Variants in DOCK8 observed in about 807,000 individuals in gnomAD.
DOCK8 encodes the protein dedicator of cytokinesis 8.
DOCK8 carries 141 observed loss-of-function variants against 245.6 expected under a neutral mutation model. The ratio of observed to expected loss-of-function variants is 0.57; its 90% CI spans 0.50 to 0.66. The LOEUF is 0.66. Among genes scored for constraint, DOCK8 ranks in the 30% least tolerant of loss-of-function variants. The pLI is 0.00. For missense variants in DOCK8, 2,965 were observed against 2,603.4 expected, an observed-to-expected ratio of 1.14 and a Z score of -3.02; for synonymous variants, 1,168 against 970.2, an observed-to-expected ratio of 1.20 and a Z score of -3.79.
intron 24 of DOCK8, 135 bp from the exon 25 acceptor site, chr9:396,650 G>A (rs2054470302): frequency 1.2e-5 from 15 of 1,235,574 alleles, no homozygotes; most frequent in East Asian, 2.4e-5. Flanking sequence ...GAGCTTGCTC[G>A]GGCACCACCA....
At chr9:318,268 A>G (rs1393704162) in intron 7 of DOCK8, among the ~76,000 whole-genome samples, 1 of 152,176 alleles carries the variant, frequency 6.6e-6, no homozygotes, top group Non-Finnish European at 1.5e-5. Context: ...GAAGCGTAAC[A>G]TTTATTTATA....
At chr9:344,529 T>C (rs546663748) in intron 14 of DOCK8, among the ~76,000 whole-genome samples, 1 of 150,580 alleles carries the variant, frequency 6.6e-6, no homozygotes, top group East Asian at 1.9e-4. Flanking sequence ...CCAGGTAAAA[T>C]TGGCAAGCTG....
chr9:463,531 T>C lies in DOCK8; in HGVS notation c.6083T>C (p.Val2028Ala), dbSNP rs2057872273. The C allele has an allele frequency of 3.7e-6, 6 of 1,614,194 alleles. No homozygotes were observed. Among genetic ancestry groups the C allele is most frequent in the Non-Finnish European group, 5.1e-6 (6 of 1,180,040 alleles). The stretch of plus-strand genomic sequence containing the variant: ...TTTCATCTCAGATGTGGTGAAGCTG[T>C]AGAGAAAAACAAGCGTCTCATCACG... ...KEFIMRCGEA[V>A]EKNKRLITAD... Residue 2028 changes from valine to alanine, a missense_variant, in exon 47 of 48, where the codon GTA (valine) becomes GCA (alanine). Around this residue, in one of 3 missense-constraint regions of DOCK8, gnomAD observed 134 missense variants for 128.1 expected, o/e 1.05. Transcript: ENST00000432829.
At position 299,511 on chromosome 9, in the gene DOCK8, C is replaced by T. The variant is rs1322800038; in HGVS notation, c.405-5070C>T. Among the ~76,000 whole-genome samples, 6 of 152,260 alleles carry T rather than the reference C, an allele frequency of 3.9e-5. No homozygotes were observed. In the East Asian group the frequency reaches 9.7e-4, roughly 25 times the overall value. ...CTCCTGGGCTCAAGTGGTGCTCCCG[C>T]CTTGGCCTCCCAGAGTGCTGGGATT... On this transcript the variant is annotated intron_variant, in intron 4 of 47. Coordinates refer to ENST00000432829, the MANE Select transcript of DOCK8 (RefSeq NM_203447.4).
rs748474433 is a variant in DOCK8 at position 426,922 on chromosome 9, G to A, written c.4279G>A (p.Gly1427Ser). The change falls in exon 34 of 48, where the codon GGC (glycine) becomes AGC (serine). Residue 1427 changes from glycine to serine, a missense_variant. Around this residue, in one of 3 missense-constraint regions of DOCK8, gnomAD observed 2,825 missense variants for 2,453.5 expected, o/e 1.15. Transcript: ENST00000432829. ...AELDQEALIS[G>S]NLATEAHLII... Reference sequence around the variant, plus strand: ...GTTAGATCAAGAAGCCTTGATCAGTGGCAATCTGGCTACAGAAGCACATTT... The same window carrying A: ...GTTAGATCAAGAAGCCTTGATCAGTAGCAATCTGGCTACAGAAGCACATTT... 3 of 1,614,006 alleles carry A rather than the reference G, an allele frequency of 1.9e-6. No individual in the cohort carries two copies. In the South Asian group the frequency reaches 3.3e-5, roughly 18 times the overall value.
intron 1 of DOCK8, among the ~76,000 whole-genome samples, chr9:254,664 T>C (rs1008965300): frequency 1.3e-5 from 2 of 152,182 alleles, no homozygotes; most frequent in East Asian, 1.9e-4. Context: ...AAGTGGAAAA[T>C]TGCAGATAGA....
chr9:301,957 A>C (rs894247875), intron 4 of DOCK8, among the ~76,000 whole-genome samples: 2 of 152,108 alleles, frequency 1.3e-5, no homozygotes. Flanking sequence ...TTCCTATCTT[A>C]ATTAGCAACA....
At chr9:232,141 C>A (rs1407678256) in intron 1 of DOCK8, among the ~76,000 whole-genome samples, 3 of 152,150 alleles carry the variant, frequency 2.0e-5, no homozygotes, top group Non-Finnish European at 4.4e-5. Context: ...TTTTCTGCAT[C>A]TATTGAGATA....
intron 28 of DOCK8, among the ~76,000 whole-genome samples, chr9:411,911 A>C (rs1043131851): frequency 6.6e-6 from 1 of 152,192 alleles, no homozygotes; most frequent in Non-Finnish European, 1.5e-5. Context: ...ACACTCAACA[A>C]ACCTTTTAGG....
At chr9:368,660 CAT>C (rs35818030) in intron 15 of DOCK8, 7,135 of 153,158 alleles carry the variant, frequency 0.047, 525 homozygotes, top group African/African-American at 0.16. Flanking sequence ...TCAAATTATT[CAT>C]ATATATATAT....
At chr9:340,038 T>A in intron 13 of DOCK8, 121 bp from the exon 14 acceptor site, 1 of 1,169,748 alleles carries the variant, frequency 8.5e-7, no homozygotes, top group Non-Finnish European at 1.2e-6. Context: ...GCTCCAAAAC[T>A]TTTTTACAGT....
intron 39 of DOCK8, among the ~76,000 whole-genome samples, chr9:436,128 T>C (rs977802791): frequency 2.6e-5 from 4 of 152,240 alleles, no homozygotes; most frequent in African/African-American, 9.6e-5. Flanking sequence ...AGCCAAGAGC[T>C]TCTGGTTTTC....
At position 379,908 on chromosome 9, in the gene DOCK8, G is replaced by C; in HGVS notation, c.2578G>C (p.Glu860Gln). The change falls in exon 21 of 48, where the codon GAG becomes CAG. Residue 860 changes from glutamate (E) to glutamine (Q), a missense_variant. Glu to Gln is a conservative substitution (Grantham distance 29). Around this residue, in one of 3 missense-constraint regions of DOCK8, gnomAD observed 2,825 missense variants for 2,453.5 expected, o/e 1.15. Transcript: ENST00000432829. ...SYVHYVFRLPEVQRDVPKSGA... is the reference protein window; with the variant it reads ...SYVHYVFRLPQVQRDVPKSGA... ...CGTGCACTACGTCTTCCGCCTGCCA[G>C]AGGTGCAAAGGGATGTGCCCAAGTC... The C allele has an allele frequency of 6.2e-7, 1 of 1,614,150 alleles. No homozygotes were observed. Among genetic ancestry groups the C allele is most frequent in the Non-Finnish European group, 8.5e-7 (1 of 1,180,028 alleles).
At chr9:397,999 T>A (rs2054543273) in intron 25 of DOCK8, among the ~76,000 whole-genome samples, 1 of 152,214 alleles carries the variant, frequency 6.6e-6, no homozygotes, top group Admixed American at 6.5e-5. Flanking sequence ...GCTACAAAAA[T>A]CTTAGGAAGC....
At chr9:427,725 T>C (rs1306597614) in intron 34 of DOCK8, among the ~76,000 whole-genome samples, 1 of 152,214 alleles carries the variant, frequency 6.6e-6, no homozygotes, top group Non-Finnish European at 1.5e-5. Context: ...TTTTGAATTG[T>C]CTAAAATCAA....
chr9:234,124 T>C (rs1373584079), intron 1 of DOCK8, among the ~76,000 whole-genome samples: 1 of 152,222 alleles, frequency 6.6e-6, no homozygotes, highest in African/African-American at 2.4e-5. Context: ...TTTGCTTGTC[T>C]GTAAAGGACT....
chr9:273,425 T>C, intron 2 of DOCK8, among the ~76,000 whole-genome samples: 1 of 152,362 alleles, frequency 6.6e-6, no homozygotes, highest in South Asian at 2.1e-4. Flanking sequence ...AATATATATT[T>C]AATTGAAAAA....
chr9:342,468 TCG>T (rs1325349537), intron 14 of DOCK8, among the ~76,000 whole-genome samples: 1 of 33,460 alleles, frequency 3.0e-5, no homozygotes, highest in Non-Finnish European at 7.2e-5. Context: ...GGGGTTTTTT[TCG>T]TTTTTTTGTT....
At chr9:346,290 A>C (rs2051881981) in intron 14 of DOCK8, among the ~76,000 whole-genome samples, 1 of 152,124 alleles carries the variant, frequency 6.6e-6, no homozygotes, top group Admixed American at 6.5e-5. Context: ...CTTATTTTCC[A>C]TGTGACCCAA....
Sources: gnomAD v4.1 joint callset for allele counts (sites outside exome capture counted in the v4.1 genomes callset) on GRCh38, gnomAD v4.1.1 for gene constraint, gnomAD v4.1.1 regional missense constraint, MANE v1.5 for transcripts, NCBI Gene and HGNC (gene_info 2026-07-23, HGNC 2026-07-21) for gene names.